The following LNPK variants were observed in gnomAD, a reference collection of about 807,000 sequenced individuals.
LNPK encodes the protein lunapark, ER junction formation factor, also known as endoplasmic reticulum junction formation protein lunapark.
Under a neutral mutation model 55.2 loss-of-function variants are expected in LNPK, and 29 were observed. The observed-to-expected ratio is 0.53, with a 90% CI of 0.39 to 0.72. The LOEUF (loss-of-function observed/expected upper bound fraction) is 0.72. Among genes scored for constraint, LNPK ranks in the 30% least tolerant of loss-of-function variants. The pLI, the probability that LNPK is intolerant of heterozygous loss-of-function variation, is 0.00. For synonymous variants in LNPK, 162 were observed against 168.2 expected, an observed-to-expected ratio of 0.96 and a Z score of 0.29; for missense variants, 467 against 494.8, an observed-to-expected ratio of 0.94 and a Z score of 0.53.
In LNPK at chr2:175,947,603, G is replaced by C; in HGVS notation, c.583C>G (p.Pro195Ala). ...GCAGAACTGTCCTTTGGTGGTCCAG[G>C]AGATACTGGAACTTGTGGAGGAGGG... is the stretch of plus-strand genomic sequence containing the variant. ...QGPPPQVPVSPGPPKDSSAPG... is the reference protein window; with the variant it reads ...QGPPPQVPVSAGPPKDSSAPG... The change falls in exon 9 of 13, where the codon CCT becomes GCT. Residue 195 changes from proline to alanine, a missense_variant. Physicochemically the swap from Pro to Ala is conservative, Grantham distance 27. Transcript: ENST00000272748. 2 of 1,613,794 alleles carry C rather than the reference G, an allele frequency of 1.2e-6. No individual in the cohort carries two copies. Among genetic ancestry groups the C allele is most frequent in the East Asian group, 4.5e-5 (2 of 44,892 alleles).
intron 2 of LNPK, chr2:175,994,115 C>A: frequency 1.1e-6 from 1 of 915,320 alleles, no homozygotes; most frequent in Non-Finnish European, 1.3e-6. Context: ...ACTCATAAAA[C>A]ACTTGAAAAA....
At chr2:176,002,506 T>G (rs1688210569), upstream of LNPK, 1 of 210,454 alleles carries the variant, frequency 4.8e-6, no homozygotes, top group African/African-American at 2.4e-5. Flanking sequence ...TATAGTTATT[T>G]CTTACTCTTC....
chr2:175,937,819 T>C, intron 11 of LNPK: 1 of 210,118 alleles, frequency 4.8e-6, no homozygotes, highest in Non-Finnish European at 9.4e-6. Context: ...TTAAATGAAT[T>C]AGTGAGATTA....
Position 175,992,401 on chromosome 2 carries a change from T to C in LNPK, c.87A>G (p.Glu29=). The C allele has an allele frequency of 6.6e-7, 1 of 1,505,428 alleles. No homozygotes were observed. The highest frequency in any genetic ancestry group is 8.8e-7 in the Non-Finnish European group (1 of 1,131,956). The allele number at this position is 1,505,428 out of a possible 1,614,324, so 93.3% of individuals were successfully genotyped here. ...ESIDKEIQAL[E]EFREKNQRLQ... ...ATCTCTGATTTTTTTCCCTAAATTC[T>C]TCCAATGCTTGAATTTCCTGTTAAG... Residue 29 remains glutamate, a synonymous_variant, in exon 4 of 13, where the codon GAA becomes GAG. Transcript: ENST00000272748.
In LNPK at chr2:175,928,855, T is replaced by C. The variant is rs1684138908; in HGVS notation, c.*1112A>G. 6.5e-6 allele frequency: 1 copy of C among 153,162 alleles called. No homozygotes were observed. The highest frequency in any genetic ancestry group is 2.4e-5 in the African/African-American group (1 of 41,456). 9.5% of individuals were successfully genotyped at this position (153,162 alleles called of 1,614,324 possible). A position where few individuals can be genotyped will look rare whatever the true frequency, so the allele number is the denominator to read the frequency against. On this transcript the variant is annotated 3_prime_UTR_variant, in exon 13 of 13. Transcript: ENST00000272748. ...CAACCCACTACCTATTCTCACAAAATTTGTTTCTCAAAGTTAAAAATTACA... is the reference window on the plus strand; with the variant it reads ...CAACCCACTACCTATTCTCACAAAACTTGTTTCTCAAAGTTAAAAATTACA...
chr2:175,943,482 A>G (rs1448489983), intron 9 of LNPK, among the ~76,000 whole-genome samples: 1 of 152,024 alleles, frequency 6.6e-6, no homozygotes, highest in Non-Finnish European at 1.5e-5. Context: ...CACAGACCCA[A>G]TATTCCTAAT....
At chr2:175,961,068 C>T (rs896553888) in intron 8 of LNPK, among the ~76,000 whole-genome samples, 4 of 151,614 alleles carry the variant, frequency 2.6e-5, no homozygotes, top group Admixed American at 6.6e-5. Flanking sequence ...GCAATAATAG[C>T]CTACCAACCA....
rs763679221 is a variant in LNPK at position 175,930,186 on chromosome 2, G to A, written c.1068C>T (p.His356=). 4.3e-6 allele frequency: 7 copies of A among 1,611,252 alleles called. No homozygotes were observed. The highest frequency in any genetic ancestry group is 1.3e-5 in the African/African-American group (1 of 74,728). Residue 356 remains histidine, a synonymous_variant, in exon 13 of 13, where the codon CAC becomes CAT. Coordinates refer to ENST00000272748, the MANE Select transcript of LNPK (RefSeq NM_030650.3). The part of the protein sequence containing the change: ...DNQFNEESLE[H]DVLDDNTEQT... ...GCTCTGTATTATCATCAAGAACATCGTGTTCTAAAGATTCTGAAAAGATAA... is the reference window on the plus strand; with the variant it reads ...GCTCTGTATTATCATCAAGAACATCATGTTCTAAAGATTCTGAAAAGATAA...
chr2:175,934,156 A>C (rs566448366), intron 12 of LNPK, among the ~76,000 whole-genome samples: 1 of 152,374 alleles, frequency 6.6e-6, no homozygotes, highest in African/African-American at 2.4e-5. Flanking sequence ...ACATATCTTG[A>C]GAAGGCTGCA....
At position 175,953,553 on chromosome 2, in the gene LNPK, C is replaced by T. The variant is rs542106168; in HGVS notation, c.494-5861G>A. 2.6e-5 allele frequency among the ~76,000 whole-genome samples: 4 copies of T among 152,144 alleles called. No homozygotes were observed. The South Asian group carries it at 8.3e-4, about 32-fold the overall frequency. On this transcript the variant is annotated intron_variant, in intron 8 of 12. Transcript: ENST00000272748. The stretch of plus-strand genomic sequence containing the variant: ...CAAAAACGTAGGTCACATCTTGATT[C>T]TTCCTCCCACCCCCAACCCCTGCCC...
At position 175,928,569 on chromosome 2, in the gene LNPK, T is replaced by C. The variant is rs1160437404; in HGVS notation, c.*1398A>G. On this transcript the variant is annotated 3_prime_UTR_variant, in exon 13 of 13. Coordinates refer to ENST00000272748, the MANE Select transcript of LNPK (RefSeq NM_030650.3). ...GATATTAAATCATAAAAATAGATTT[T>C]TAAATGATAAAAATGTTTTGTTCAG... 1 of 151,610 alleles carries C rather than the reference T, an allele frequency of 6.6e-6. No homozygotes were observed. Among genetic ancestry groups the C allele is most frequent in the Non-Finnish European group, 1.5e-5 (1 of 67,890 alleles). 9.4% of individuals were successfully genotyped at this position (151,610 alleles called of 1,614,324 possible).
At chr2:175,938,464 T>C in intron 10 of LNPK, 81 bp from the exon 11 acceptor site, 2 of 648,492 alleles carry the variant, frequency 3.1e-6, no homozygotes, top group East Asian at 2.8e-5. Context: ...CCATCATGGC[T>C]AATTTATATT....
rs1432110743 is a variant in LNPK at position 175,937,331 on chromosome 2, A to T, written c.1054+13T>A. ...ATGTTATTAAGGGGCAAAACTGTTT[A>T]ACATATTCATACCTTCATTAAACTG... On this transcript the variant is annotated intron_variant, in intron 12 of 12. Transcript: ENST00000272748. 6.2e-7 allele frequency: 1 copy of T among 1,609,206 alleles called. No individual in the cohort carries two copies. Among genetic ancestry groups the T allele is most frequent in the African/African-American group, 1.3e-5 (1 of 74,850 alleles).
Position 175,923,976 on chromosome 2 carries a change from C to G in LNPK, c.*5991G>C, listed in dbSNP as rs966307216. The G allele has an allele frequency of 6.6e-6, 1 of 152,066 alleles. No individual in the cohort carries two copies. The highest frequency in any genetic ancestry group is 2.4e-5 in the African/African-American group (1 of 41,418). The allele number at this position is 152,066 out of a possible 1,614,324, so 9.4% of individuals were successfully genotyped here. A position where few individuals can be genotyped will look rare whatever the true frequency, so the allele number is the denominator to read the frequency against. The stretch of plus-strand genomic sequence containing the variant: ...ATATTTATCTGTCTACATTCAGAGC[C>G]TGAATATATTTACTTATTGACCAGT... On this transcript the variant is annotated 3_prime_UTR_variant, in exon 13 of 13. Coordinates refer to ENST00000272748, the MANE Select transcript of LNPK (RefSeq NM_030650.3).
At chr2:175,939,445 C>T (rs886827948) in intron 10 of LNPK, 107 bp downstream of exon 10, 1 of 515,090 alleles carries the variant, frequency 1.9e-6, no homozygotes, top group East Asian at 3.2e-5. Flanking sequence ...CTCCACTATG[C>T]TCTAAAGTCA....
chr2:176,002,499 A>G (rs1218542495), upstream of LNPK: 1 of 220,036 alleles, frequency 4.5e-6, no homozygotes, highest in African/African-American at 2.4e-5. Flanking sequence ...CTTAGAATAT[A>G]GTTATTTCTT....
chr2:175,946,894 A>C (rs1685153053), intron 9 of LNPK, among the ~76,000 whole-genome samples: 1 of 152,136 alleles, frequency 6.6e-6, no homozygotes, highest in Non-Finnish European at 1.5e-5. Flanking sequence ...TCAGAATGGG[A>C]TCTTCCCCTA....
At position 175,964,584 on chromosome 2, in the gene LNPK, T is replaced by A; in HGVS notation, c.363A>T (p.Glu121Asp). 1 of 1,594,198 alleles carries A rather than the reference T, an allele frequency of 6.3e-7. No individual in the cohort carries two copies. Among genetic ancestry groups the A allele is most frequent in the Non-Finnish European group, 8.6e-7 (1 of 1,163,816 alleles). The change falls in exon 7 of 13, where the codon GAA (glutamate) becomes GAT (aspartate). Residue 121 changes from glutamate to aspartate, a missense_variant. Coordinates refer to ENST00000272748, the MANE Select transcript of LNPK (RefSeq NM_030650.3). ...DLKSQRKKIL[E>D]EVMEKETYKT... ...TGTAAGTTTCTTTTTCCATGACTTC[T>A]TCAAGCTACGAACAAAAATTTCCAT...
chr2:175,993,066 CTCTA>C (rs1298138177), intron 3 of LNPK, 112 bp downstream of exon 3: 1 of 634,768 alleles, frequency 1.6e-6, no homozygotes, highest in African/African-American at 2.0e-5. Flanking sequence ...CTCAGACTCA[CTCTA>C]TATCATTTCT....
Sources: allele counts gnomAD v4.1 joint callset (sites outside exome capture counted in the v4.1 genomes callset), GRCh38; gene constraint gnomAD v4.1.1; transcripts MANE v1.5; gene names NCBI Gene and HGNC (gene_info 2026-07-23, HGNC 2026-07-21).